The following DMBT1 variants were observed in gnomAD, a reference collection of about 807,000 sequenced individuals.
DMBT1 encodes scavenger receptor cysteine-rich domain-containing protein DMBT1.
Under a neutral mutation model 252.9 loss-of-function variants are expected in DMBT1, and 198 were observed. That is an observed-to-expected ratio of 0.78 (90% CI 0.70 to 0.88). The LOEUF (loss-of-function observed/expected upper bound fraction) is 0.88. DMBT1 is among the 40% of genes least tolerant of loss of function. The pLI is 0.00. For synonymous variants in DMBT1, 990 were observed against 942.7 expected, an observed-to-expected ratio of 1.05 and a Z score of -0.92; for missense variants, 2,432 against 2,404.7, an observed-to-expected ratio of 1.01 and a Z score of -0.24.
At position 122,618,344 on chromosome 10, in the gene DMBT1, G is replaced by C. The variant is rs1221845541; in HGVS notation, c.5215+4G>C. On this transcript the variant is annotated splice_donor_region_variant and intron_variant, in intron 41 of 55. Coordinates refer to ENST00000338354, the MANE Select transcript of DMBT1 (RefSeq NM_001377530.1). Reference sequence around the variant, plus strand: ...GATGCTGGTGTCATCTGCTCAGGTGGGCTTTCAAGACCTTGGGCTCCCTCT... The same window carrying C: ...GATGCTGGTGTCATCTGCTCAGGTGCGCTTTCAAGACCTTGGGCTCCCTCT... 2 of 1,613,828 alleles carry C rather than the reference G, an allele frequency of 1.2e-6. No individual in the cohort carries two copies. The highest frequency in any genetic ancestry group is 2.2e-5 in the East Asian group (1 of 44,874).
rs913754982 is a variant in DMBT1, at chr10:122,576,530, G to A, written c.415G>A (p.Val139Ile). The A allele has an allele frequency of 6.2e-7, 1 of 1,614,002 alleles. No homozygotes were observed. ...CTGGGACACCAATGATGCCAACGTG[G>A]TCTGTAGGCAGCTGGGTTGTGGCTG... Reference protein sequence around the residue: ...DSWDTNDANVVCRQLGCGWAM... With the variant: ...DSWDTNDANVICRQLGCGWAM... Residue 139 changes from valine to isoleucine, a missense_variant, in exon 7 of 56, where the codon GTC (valine) becomes ATC (isoleucine). This residue lies in a region of DMBT1 where 1,264 missense variants were observed against 1,082.2 expected (regional missense o/e 1.17). Coordinates refer to ENST00000338354, the MANE Select transcript of DMBT1 (RefSeq NM_001377530.1).
chr10:122,597,833 T>C, intron 24 of DMBT1, 141 bp from the exon 25 acceptor site: 1 of 1,264,918 alleles, frequency 7.9e-7, no homozygotes, highest in Non-Finnish European at 1.1e-6. Context: ...AGCTGCAGAC[T>C]TGGGCAGACA....
chr10:122,579,957 A>G (rs1327878713), intron 10 of DMBT1, 56 bp downstream of exon 10: 1 of 1,612,022 alleles, frequency 6.2e-7, no homozygotes. Flanking sequence ...CTCCAAAAGA[A>G]ACTCCTAATT....
chr10:122,580,353 G>C (rs1282885320), intron 10 of DMBT1, among the ~76,000 whole-genome samples: 4 of 152,220 alleles, frequency 2.6e-5, no homozygotes, highest in Non-Finnish European at 5.9e-5. Flanking sequence ...CAAGGGTTAG[G>C]AGTGCAAATG....
intron 52 of DMBT1, among the ~76,000 whole-genome samples, chr10:122,635,758 G>T (rs1302378256): frequency 6.6e-6 from 1 of 152,102 alleles, no homozygotes; most frequent in Non-Finnish European, 1.5e-5. Context: ...GTTTCACCAC[G>T]TTGGCCAGGC....
At chr10:122,577,977 C>A (rs1347985321) in intron 8 of DMBT1, 137 bp downstream of exon 8, 16 of 921,678 alleles carry the variant, frequency 1.7e-5, no homozygotes, top group Non-Finnish European at 2.5e-5. Context: ...GTAACTGAGA[C>A]CCTAGCATGG....
intron 46 of DMBT1, among the ~76,000 whole-genome samples, chr10:122,629,503 C>T (rs1208780000): frequency 2.6e-5 from 4 of 152,230 alleles, no homozygotes; most frequent in South Asian, 4.1e-4. Flanking sequence ...GACTATCCCA[C>T]GTCCCTGTCT....
At chr10:122,630,131 A>C in intron 47 of DMBT1, 138 bp downstream of exon 47, 3 of 1,400,208 alleles carry the variant, frequency 2.1e-6, no homozygotes, top group Non-Finnish European at 2.0e-6. Context: ...TTCCTACCAT[A>C]AAGCATCAGG....
intron 47 of DMBT1, 45 bp from the exon 48 acceptor site, chr10:122,630,243 C>A (rs1310819158): frequency 1.3e-6 from 2 of 1,567,848 alleles, no homozygotes; most frequent in Non-Finnish European, 1.8e-6. Flanking sequence ...AATGGAGGGG[C>A]AATAGGAATT....
chr10:122,585,282 A>C lies in DMBT1; in HGVS notation c.1432A>C (p.Thr478Pro). ...TGTTGCAATTACAGACACGTTGCCG[A>C]CCATCACCTTACCTGCATCGACAGT... is the stretch of plus-strand genomic sequence containing the variant. ...WSTPSPDTLP[T>P]ITLPASTVGS... The change falls in exon 15 of 56, where the codon ACC becomes CCC. Residue 478 changes from threonine (T) to proline (P), a missense_variant. Transcript: ENST00000338354. 2 of 1,586,958 alleles carry C rather than the reference A, an allele frequency of 1.3e-6. No homozygotes were observed. Among genetic ancestry groups the C allele is most frequent in the African/African-American group, 1.3e-5 (1 of 74,546 alleles).
At chr10:122,641,280 G>A (rs1844480265) in intron 55 of DMBT1, among the ~76,000 whole-genome samples, 1 of 152,212 alleles carries the variant, frequency 6.6e-6, no homozygotes, top group African/African-American at 2.4e-5. Context: ...ACACCATGAT[G>A]TGCAACTCCA....
chr10:122,574,629 T>C (rs1565596410), intron 6 of DMBT1, among the ~76,000 whole-genome samples: 1 of 152,218 alleles, frequency 6.6e-6, no homozygotes. Flanking sequence ...GACTTAGCCA[T>C]GTCCCTTCGC....
rs2098161974 is a variant in DMBT1 at position 122,631,162 on chromosome 10, C to T, written c.6227C>T (p.Pro2076Leu). ...GNAYFGSGSG[P>L]ITLDDVECSG... ...GCATATTTTGGCTCTGGCTCTGGCC[C>T]CATCACCCTGGACGATGTAGAGTGC... The change falls in exon 49 of 56, where the codon CCC (proline) becomes CTC (leucine). Residue 2076 changes from proline to leucine, a missense_variant. By Grantham distance (98) the Pro-to-Leu change is moderately conservative. Around this residue, in one of 3 missense-constraint regions of DMBT1, gnomAD observed 1,162 missense variants for 1,169.0 expected, o/e 0.99. Coordinates refer to ENST00000338354, the MANE Select transcript of DMBT1 (RefSeq NM_001377530.1). 6 of 1,613,970 alleles carry T rather than the reference C, an allele frequency of 3.7e-6. No homozygotes were observed. The highest frequency in any genetic ancestry group is 1.7e-5 in the Admixed American group (1 of 60,016).
rs550256620 is a variant in DMBT1, at chr10:122,593,389, C to G, written c.2501-180C>G. ...TCAGAGCTGGCAATAGTGGAAGGAT[C>G]TGCCTCGACCCCTTACACGGTGCAT... On this transcript the variant is annotated intron_variant, in intron 20 of 55. Transcript: ENST00000338354. Among the ~76,000 whole-genome samples, 13 of 148,304 alleles carry G rather than the reference C, an allele frequency of 8.8e-5. 1 individual carries two copies. The South Asian group carries it at 3.0e-3, about 34-fold the overall frequency.
intron 17 of DMBT1, 73 bp downstream of exon 17, chr10:122,589,340 TCTC>T: frequency 1.3e-6 from 2 of 1,566,908 alleles, no homozygotes; most frequent in East Asian, 2.4e-5. Flanking sequence ...TATGTTCTAA[TCTC>T]CTCACTCAGA....
chr10:122,643,210 C>T lies in DMBT1; in HGVS notation c.7441C>T (p.Arg2481Cys), dbSNP rs1034308642. Residue 2481 changes from arginine to cysteine, a missense_variant, in exon 56 of 56, where the codon CGC becomes TGC. Arg to Cys is a radical substitution (Grantham distance 180, BLOSUM62 -3). Transcript: ENST00000338354. ...FRFRAFHFLN[R>C]FPSVYLRCKM... is the part of the protein sequence containing the mutation. ...GTTCAGGGCCTTCCACTTCCTGAAC[C>T]GCTTCCCCTCCGTGTACCTGCGTTG... is the stretch of plus-strand genomic sequence containing the variant. 11 of 1,613,852 alleles carry T rather than the reference C, an allele frequency of 6.8e-6. No homozygotes were observed. Among genetic ancestry groups the T allele is most frequent in the Middle Eastern group, 1.6e-4 (1 of 6,084 alleles).
intron 9 of DMBT1, among the ~76,000 whole-genome samples, chr10:122,579,190 A>G (rs922696998): frequency 1.3e-5 from 2 of 152,048 alleles, no homozygotes; most frequent in Non-Finnish European, 2.9e-5. Context: ...CCCTAATCCT[A>G]TGGGGACCTC....
intron 2 of DMBT1, among the ~76,000 whole-genome samples, chr10:122,567,175 A>C (rs559835636): frequency 1.3e-5 from 2 of 152,336 alleles, no homozygotes; most frequent in South Asian, 4.1e-4. Context: ...GGAAAGGCAG[A>C]TTTCTGACCA....
intron 8 of DMBT1, 132 bp from the exon 9 acceptor site, chr10:122,578,586 C>G (rs2097734076): frequency 4.0e-6 from 3 of 751,384 alleles, no homozygotes; most frequent in Non-Finnish European, 7.0e-6. Context: ...TGGGCAGACA[C>G]ATGGGGAGCA....
Sources: allele counts gnomAD v4.1 joint callset (sites outside exome capture counted in the v4.1 genomes callset), GRCh38; gene constraint gnomAD v4.1.1; regional missense constraint gnomAD v4.1.1; transcripts MANE v1.5; gene names NCBI Gene and HGNC (gene_info 2026-07-23, HGNC 2026-07-21).